QPRT: variants seen among roughly 807,000 people sequenced by gnomAD.
QPRT encodes nicotinate-nucleotide pyrophosphorylase [carboxylating].
Under a neutral mutation model 19.8 loss-of-function variants are expected in QPRT, and 17 were observed. The observed-to-expected ratio is 0.86, with a 90% CI of 0.59 to 1.29. The LOEUF is 1.29. Among genes scored for constraint, QPRT ranks in the 50% most tolerant of loss-of-function variants. The pLI is 0.00. For missense variants in QPRT, 336 were observed against 405.1 expected (o/e 0.83, Z 1.46); for synonymous variants, 178 against 191.0 (o/e 0.93, Z 0.56).
intron 1 of QPRT, among the ~76,000 whole-genome samples, chr16:29,679,628 G>A (rs1385833354): frequency 2.0e-5 from 3 of 152,122 alleles, no homozygotes; most frequent in Admixed American, 6.6e-5. Flanking sequence ...GGGGGCTTGA[G>A]TCCCGTGATT....
intron 1 of QPRT, among the ~76,000 whole-genome samples, chr16:29,687,697 G>A (rs1252780503): frequency 2.0e-5 from 3 of 151,974 alleles, no homozygotes; most frequent in African/African-American, 7.2e-5. Flanking sequence ...TACTTTTATT[G>A]CCAAAGCTCG....
At position 29,697,281 on chromosome 16, in the gene QPRT, A is replaced by T. The variant is rs747380973; in HGVS notation, c.764A>T (p.Asn255Ile). Residue 255 changes from asparagine (N) to isoleucine (I), a missense_variant, in exon 4 of 4, where the codon AAC becomes ATC. Asn to Ile is a moderately radical substitution (Grantham distance 149, BLOSUM62 -3). Coordinates refer to ENST00000395384, the MANE Select transcript of QPRT (RefSeq NM_014298.6). This position sits in a 1 kb window ranked among gnomAD's most constrained non-coding sequence, Gnocchi z 4.4. ...VEASGGITLD[N>I]LPQFCGPHID... The stretch of plus-strand genomic sequence containing the variant: ...GCCAGTGGGGGCATCACCCTGGACA[A>T]CCTCCCCCAGTTCTGCGGGCCGCAC... 3 of 1,613,582 alleles carry T rather than the reference A, an allele frequency of 1.9e-6. No individual in the cohort carries two copies. The East Asian group carries it at 6.7e-5, about 36-fold the overall frequency.
chr16:29,685,748 C>T (rs183014877), intron 1 of QPRT, among the ~76,000 whole-genome samples: 2 of 152,108 alleles, frequency 1.3e-5, no homozygotes, highest in South Asian at 2.1e-4. Context: ...ACTTGTAATC[C>T]CAGCACTTTG....
intron 1 of QPRT, among the ~76,000 whole-genome samples, chr16:29,690,408 T>C (rs1297541196): frequency 6.6e-6 from 1 of 152,234 alleles, no homozygotes; most frequent in East Asian, 1.9e-4. Flanking sequence ...ATGGTATTTC[T>C]GGTTTTTGGT....
At chr16:29,687,645 G>A (rs1967200087) in intron 1 of QPRT, among the ~76,000 whole-genome samples, 1 of 152,154 alleles carries the variant, frequency 6.6e-6, no homozygotes, top group Admixed American at 6.6e-5. Flanking sequence ...TACTCAGGAG[G>A]CTGAGGCAGG....
chr16:29,685,674 C>G (rs755630892), intron 1 of QPRT, among the ~76,000 whole-genome samples: 1 of 152,006 alleles, frequency 6.6e-6, no homozygotes, highest in Non-Finnish European at 1.5e-5. Flanking sequence ...CCTTCTGGAG[C>G]AAAACCATAA....
Position 29,697,041 on chromosome 16 carries a change from G to T in QPRT, c.595G>T (p.Glu199Ter). ...RQAADFTLKV[E>*]VECSSLQEAV... ...GGCGGCTGACTTCACTCTGAAGGTG[G>T]AAGTGGAATGCAGCAGCCTGCAGGA... The change falls in exon 3 of 4, where the codon GAA becomes TAA. Residue 199 changes from glutamate (E) to a stop codon, truncating the protein, a stop_gained. Transcript: ENST00000395384. LOFTEE classifies it high-confidence loss of function. The surrounding 1 kb of genome is among the most constrained non-coding windows in gnomAD (Gnocchi z 4.4). The T allele has an allele frequency of 6.2e-7, 1 of 1,611,396 alleles. No individual in the cohort carries two copies. The highest frequency in any genetic ancestry group is 8.5e-7 in the Non-Finnish European group (1 of 1,179,424).
At position 29,694,789 on chromosome 16, in the gene QPRT, T is replaced by C. The variant is rs1372831191; in HGVS notation, c.139T>C (p.Trp47Arg). The change falls in exon 2 of 4, where the codon TGG (tryptophan) becomes CGG (arginine). Residue 47 changes from tryptophan (W) to arginine (R), a missense_variant. By Grantham distance (101) the Trp-to-Arg change is moderately radical (BLOSUM62 -3). Coordinates refer to ENST00000395384, the MANE Select transcript of QPRT (RefSeq NM_014298.6). ...GGCAGGCCCCTCGCAGGCGGCGCTG[T>C]GGGCCAAATCCCCTGGGGTACTGGC... ...SGAGPSQAAL[W>R]AKSPGVLAGQ... 1 of 1,613,994 alleles carries C rather than the reference T, an allele frequency of 6.2e-7. No individual in the cohort carries two copies. Among genetic ancestry groups the C allele is most frequent in the South Asian group, 1.1e-5 (1 of 91,086 alleles).
intron 1 of QPRT, among the ~76,000 whole-genome samples, chr16:29,689,441 T>C (rs994467794): frequency 6.6e-6 from 1 of 152,180 alleles, no homozygotes; most frequent in Non-Finnish European, 1.5e-5. Flanking sequence ...GTTTATTATA[T>C]AGGTAAACTT....
intron 1 of QPRT, among the ~76,000 whole-genome samples, chr16:29,683,774 G>C (rs1239742930): frequency 6.6e-6 from 1 of 152,128 alleles, no homozygotes; most frequent in African/African-American, 2.4e-5. Flanking sequence ...CACTGGGTTG[G>C]AATGGGCCTG....
rs537664108 is a variant in QPRT, at chr16:29,691,364, CAAAAAAAA to C, written c.14-3277_14-3270del. Among the ~76,000 whole-genome samples, 251 of 51,884 alleles carry C rather than the reference CAAAAAAAA, an allele frequency of 4.8e-3. 1 individual carries two copies. Among genetic ancestry groups the C allele is most frequent in the African/African-American group, 0.024 (222 of 9,270 alleles). 34.0% of individuals were successfully genotyped at this position (51,884 alleles called of 152,430 possible). A position where few individuals can be genotyped will look rare whatever the true frequency, so the allele number is the denominator to read the frequency against. On this transcript the variant is annotated intron_variant, in intron 1 of 3. Transcript: ENST00000395384. ...TGGGCAAAAGAGTGAAGCTCTGCAT[CAAAAAAAA>C]AAAAAAAAAAAAAAAAAAAAAATCA...
chr16:29,679,697 A>G (rs909506010), intron 1 of QPRT, among the ~76,000 whole-genome samples: 6 of 152,164 alleles, frequency 3.9e-5, no homozygotes, highest in African/African-American at 7.2e-5. Context: ...ACCCCCAACC[A>G]TGAAGTCCGG....
intron 1 of QPRT, among the ~76,000 whole-genome samples, chr16:29,692,185 G>C (rs1263973451): frequency 6.6e-6 from 1 of 152,352 alleles, no homozygotes; most frequent in South Asian, 2.1e-4. Flanking sequence ...TCTGCCCGCA[G>C]CCATGCAGGG....
chr16:29,687,691 T>TGCCAAAGTCTAC (rs1339088010), intron 1 of QPRT, among the ~76,000 whole-genome samples: 1 of 151,924 alleles, frequency 6.6e-6, no homozygotes, highest in Non-Finnish European at 1.5e-5. Flanking sequence ...TGAGTCTACT[T>TGCCAAAGTCTAC]TTATTGCCAA....
At chr16:29,683,916 C>A (rs192717961) in intron 1 of QPRT, among the ~76,000 whole-genome samples, 1 of 152,154 alleles carries the variant, frequency 6.6e-6, no homozygotes, top group Admixed American at 6.6e-5. Context: ...GTGCGCTCCT[C>A]GAGCATGACA....
At chr16:29,684,549 G>A (rs1211306579) in intron 1 of QPRT, among the ~76,000 whole-genome samples, 8 of 151,956 alleles carry the variant, frequency 5.3e-5, no homozygotes, top group South Asian at 2.1e-4. Context: ...GGGTTTCACC[G>A]TTTTCACCAG....
chr16:29,682,521 C>T (rs143273409), intron 1 of QPRT, among the ~76,000 whole-genome samples: 2,378 of 151,934 alleles, frequency 0.016, 55 homozygotes, highest in African/African-American at 0.054. Flanking sequence ...TACAGGTGCC[C>T]ACCACCATGC....
At chr16:29,691,918 A>G (rs1466104451) in intron 1 of QPRT, among the ~76,000 whole-genome samples, 2 of 152,120 alleles carry the variant, frequency 1.3e-5, no homozygotes. Flanking sequence ...GCTTTGGGGA[A>G]GTAGACAAGA....
At chr16:29,685,472 CA>C (rs886211928) in intron 1 of QPRT, among the ~76,000 whole-genome samples, 3 of 151,366 alleles carry the variant, frequency 2.0e-5, no homozygotes, top group African/African-American at 7.3e-5. Flanking sequence ...CCGTCTCAAA[CA>C]AAAAAAAATT....
Sources: gnomAD v4.1 joint callset for allele counts (sites outside exome capture counted in the v4.1 genomes callset) on GRCh38, gnomAD v4.1.1 for gene constraint, Gnocchi (gnomAD v3.1) non-coding constraint, MANE v1.5 for transcripts, NCBI Gene and HGNC (gene_info 2026-07-23, HGNC 2026-07-21) for gene names.